Variants in PSME4 observed in about 807,000 individuals in gnomAD.
PSME4 encodes proteasome activator complex subunit 4.
In PSME4, 89 loss-of-function variants were observed where a neutral mutation model predicts 253.9. The ratio of observed to expected loss-of-function variants is 0.35; its 90% CI spans 0.30 to 0.42. PSME4 has a LOEUF of 0.42. PSME4 is among the 10% of genes least tolerant of loss of function. PSME4 has a pLI of 1.00. For missense variants in PSME4, 2,014 were observed against 2,195.2 expected, an observed-to-expected ratio of 0.92 and a Z score of 1.65; for synonymous variants, 851 against 759.2, an observed-to-expected ratio of 1.12 and a Z score of -1.99.
At chr2:53,937,103 C>T (rs1237523113) in intron 5 of PSME4, among the ~76,000 whole-genome samples, 1 of 152,050 alleles carries the variant, frequency 6.6e-6, no homozygotes, top group Admixed American at 6.6e-5. Context: ...CAATTTTCTA[C>T]CTCCTTTTCC....
chr2:53,928,939 G>A (rs1456659436), intron 10 of PSME4, among the ~76,000 whole-genome samples: 1 of 152,144 alleles, frequency 6.6e-6, no homozygotes, highest in Admixed American at 6.5e-5. Flanking sequence ...GCCAAGGCAG[G>A]CAGATCACCT....
At chr2:53,918,485 G>C (rs1184226588) in intron 20 of PSME4, among the ~76,000 whole-genome samples, 1 of 152,020 alleles carries the variant, frequency 6.6e-6, no homozygotes, top group Admixed American at 6.6e-5. Flanking sequence ...GGGACTACAG[G>C]TATGCGCCAC....
In PSME4 at chr2:53,928,186, A is replaced by G. The variant is rs1668657179; in HGVS notation, c.1434T>C (p.Pro478=). Residue 478 remains proline (P), a synonymous_variant, in exon 11 of 47, where the codon CCT becomes CCC. Coordinates refer to ENST00000404125, the MANE Select transcript of PSME4 (RefSeq NM_014614.3). ...TCATCAACAGAGGTAGCATATGTGT[A>G]GGACCTTCAGGAAACCATCTGCCTC... ...VSGGRWFPEG[P]THMLPLLMRA... is the part of the protein sequence containing the mutation. 1 of 1,614,152 alleles carries G rather than the reference A, an allele frequency of 6.2e-7. No individual in the cohort carries two copies. Among genetic ancestry groups the G allele is most frequent in the Admixed American group, 1.7e-5 (1 of 60,018 alleles).
Position 53,946,282 on chromosome 2 carries a change from C to T in PSME4, c.500+2139G>A, listed in dbSNP as rs149582251. ...AAGAACAGGGTATCACTGAAGAAAC[C>T]GCCTTACCTCCTCCTTTCATTTACA... On this transcript the variant is annotated intron_variant, in intron 3 of 46. Transcript: ENST00000404125. 1.8e-4 allele frequency among the ~76,000 whole-genome samples: 28 copies of T among 152,308 alleles called. No homozygotes were observed. The South Asian group carries it at 3.7e-3, about 20-fold the overall frequency.
chr2:53,933,544 C>T (rs747872167), intron 8 of PSME4, among the ~76,000 whole-genome samples: 1 of 152,114 alleles, frequency 6.6e-6, no homozygotes, highest in Non-Finnish European at 1.5e-5. Flanking sequence ...CATGCCCGTG[C>T]TTACTTTTAC....
chr2:53,947,877 A>T (rs1669797208), intron 3 of PSME4, among the ~76,000 whole-genome samples: 2 of 145,470 alleles, frequency 1.4e-5, no homozygotes, highest in African/African-American at 5.1e-5. Flanking sequence ...TTAGCTGGGT[A>T]TGGTGGTGCA....
At chr2:53,898,260 T>C (rs927794552) in intron 30 of PSME4, 41 bp downstream of exon 30, 5 of 1,553,688 alleles carry the variant, frequency 3.2e-6, no homozygotes, top group Non-Finnish European at 2.6e-6. Flanking sequence ...ATAGTATTTA[T>C]GAAAAATGCT....
At position 53,896,793 on chromosome 2, in the gene PSME4, G is replaced by A; in HGVS notation, c.3688+11C>T. ...TGGAAAGCACTATTAATTACTTCTGGTAGTACTCACTGATTTCACAGGGGT... is the reference window on the plus strand; with the variant it reads ...TGGAAAGCACTATTAATTACTTCTGATAGTACTCACTGATTTCACAGGGGT... On this transcript the variant is annotated intron_variant, in intron 32 of 46. Coordinates refer to ENST00000404125, the MANE Select transcript of PSME4 (RefSeq NM_014614.3). The A allele has an allele frequency of 2.5e-6, 4 of 1,580,682 alleles. No individual in the cohort carries two copies. The highest frequency in any genetic ancestry group is 3.5e-6 in the Non-Finnish European group (4 of 1,149,788).
intron 34 of PSME4, 26 bp downstream of exon 34, chr2:53,894,981 G>C: frequency 6.3e-7 from 1 of 1,588,798 alleles, no homozygotes; most frequent in South Asian, 1.1e-5. Context: ...AGATGCATTT[G>C]AACCATGGTG....
intron 28 of PSME4, 25 bp downstream of exon 28, chr2:53,901,325 T>C: frequency 6.4e-7 from 1 of 1,572,104 alleles, no homozygotes; most frequent in East Asian, 2.2e-5. Flanking sequence ...CACTAAAACT[T>C]GAATGAAAGA....
chr2:53,970,835 C>T lies in PSME4; in HGVS notation c.-51G>A. 1 of 1,386,280 alleles carries T rather than the reference C, an allele frequency of 7.2e-7. No individual in the cohort carries two copies. The highest frequency in any genetic ancestry group is 9.5e-7 in the Non-Finnish European group (1 of 1,056,966). The allele number at this position is 1,386,280 out of a possible 1,614,324, so 85.9% of individuals were successfully genotyped here. ...CCTCCCACCCGAACCCTCCCCGGCC[C>T]CCACCCCTCTCCGGGCTCCGCCTCC... On this transcript the variant is annotated 5_prime_UTR_variant, in exon 1 of 47. Transcript: ENST00000404125.
intron 1 of PSME4, among the ~76,000 whole-genome samples, chr2:53,961,791 A>C (rs1670505687): frequency 6.6e-6 from 1 of 152,206 alleles, no homozygotes; most frequent in Admixed American, 6.5e-5. Flanking sequence ...CTTTCTGCAG[A>C]AAAGGTACAC....
At chr2:53,899,065 C>A (rs905380296) in intron 29 of PSME4, among the ~76,000 whole-genome samples, 1 of 151,768 alleles carries the variant, frequency 6.6e-6, no homozygotes, top group Admixed American at 6.6e-5. Context: ...AGTGAAATAA[C>A]TTTTTGTTTT....
chr2:53,910,168 A>G (rs1353283275), intron 20 of PSME4, 38 bp from the exon 21 acceptor site: 3 of 1,504,494 alleles, frequency 2.0e-6, no homozygotes, highest in Non-Finnish European at 1.9e-6. Context: ...TATTAATAAT[A>G]CCAATATGAA....
At chr2:53,898,700 G>C (rs374234318) in intron 29 of PSME4, among the ~76,000 whole-genome samples, 2 of 151,190 alleles carry the variant, frequency 1.3e-5, no homozygotes, top group Non-Finnish European at 2.9e-5. Context: ...AAATATATTA[G>C]GTAGGCTATA....
chr2:53,931,757 C>T (rs1200793994), intron 10 of PSME4, 78 bp downstream of exon 10: 3 of 1,470,624 alleles, frequency 2.0e-6, no homozygotes, highest in African/African-American at 2.8e-5. Flanking sequence ...ACAGAAGCCA[C>T]AGAGGAGAAA....
chr2:53,954,507 A>C (rs1389393173), intron 1 of PSME4, among the ~76,000 whole-genome samples: 1 of 152,144 alleles, frequency 6.6e-6, no homozygotes, highest in East Asian at 1.9e-4. Context: ...AATAATAACA[A>C]ATTAATAAAA....
At chr2:53,962,260 G>A (rs1360168284) in intron 1 of PSME4, among the ~76,000 whole-genome samples, 1 of 152,128 alleles carries the variant, frequency 6.6e-6, no homozygotes, top group Non-Finnish European at 1.5e-5. Context: ...AGTCTTTGAA[G>A]AGGAACCTCT....
intron 30 of PSME4, 79 bp from the exon 31 acceptor site, chr2:53,898,078 T>C: frequency 1.4e-6 from 2 of 1,471,246 alleles, no homozygotes; most frequent in East Asian, 4.5e-5. Flanking sequence ...AAACACCTTA[T>C]AATTTTAAAT....
Sources: allele counts gnomAD v4.1 joint callset (sites outside exome capture counted in the v4.1 genomes callset), GRCh38; gene constraint gnomAD v4.1.1; transcripts MANE v1.5; gene names NCBI Gene and HGNC (gene_info 2026-07-23, HGNC 2026-07-21).